LHFPL3: variants seen among roughly 807,000 people sequenced by gnomAD.
The protein encoded by LHFPL3 is LHFPL tetraspan subfamily member 3 protein.
LHFPL3 carries 5 observed loss-of-function variants against 19.3 expected under a neutral mutation model. That is an observed-to-expected ratio of 0.26 (90% CI 0.14 to 0.54). The LOEUF is 0.54. Among genes scored for constraint, LHFPL3 ranks in the 20% least tolerant of loss-of-function variants. The probability of loss-of-function intolerance (pLI) is 0.94; values close to 1 mark genes in which losing one functional copy is unlikely to be tolerated. For missense variants in LHFPL3, 249 were observed against 307.4 expected (o/e 0.81, Z 1.42); for synonymous variants, 133 against 126.2 (o/e 1.05, Z -0.36).
intron 1 of LHFPL3, among the ~76,000 whole-genome samples, chr7:104,608,816 C>T (rs922973070): frequency 2.6e-5 from 4 of 152,126 alleles, no homozygotes; most frequent in African/African-American, 9.7e-5. Flanking sequence ...CTGCTTGATC[C>T]ACCTACGTGG....
At chr7:104,793,647 A>G (rs1790065126) in intron 2 of LHFPL3, among the ~76,000 whole-genome samples, 2 of 152,214 alleles carry the variant, frequency 1.3e-5, no homozygotes, top group African/African-American at 4.8e-5. Context: ...CTGACCAGAC[A>G]AGAGCTGGGT....
intron 1 of LHFPL3, among the ~76,000 whole-genome samples, chr7:104,645,654 C>CT (rs869151153): frequency 0.015 from 1,249 of 81,576 alleles, 193 homozygotes; most frequent in African/African-American, 0.054. Context: ...ATTGGGTTTT[C>CT]TTTTTTTTTT....
At chr7:104,646,127 C>T (rs1006645246) in intron 1 of LHFPL3, among the ~76,000 whole-genome samples, 3 of 152,134 alleles carry the variant, frequency 2.0e-5, no homozygotes, top group African/African-American at 7.2e-5. Context: ...GGCACTTAAC[C>T]TCTGTGAGCC....
At chr7:104,508,280 TA>T (rs1359593381) in intron 1 of LHFPL3, among the ~76,000 whole-genome samples, 4 of 151,670 alleles carry the variant, frequency 2.6e-5, no homozygotes, top group Non-Finnish European at 4.4e-5. Flanking sequence ...TATGCAGCCA[TA>T]AAAAATGATG....
At chr7:104,618,811 C>T (rs1791392475) in intron 1 of LHFPL3, among the ~76,000 whole-genome samples, 1 of 152,186 alleles carries the variant, frequency 6.6e-6, no homozygotes, top group African/African-American at 2.4e-5. Flanking sequence ...TGTGACTTGG[C>T]CAAGGTCCCA....
intron 2 of LHFPL3, among the ~76,000 whole-genome samples, chr7:104,790,073 A>G (rs1789991759): frequency 6.6e-6 from 1 of 152,202 alleles, no homozygotes; most frequent in South Asian, 2.1e-4. Context: ...AAAAAAGCCA[A>G]TGAAGTCACC....
chr7:104,575,282 T>C (rs950769939), intron 1 of LHFPL3, among the ~76,000 whole-genome samples: 3 of 152,180 alleles, frequency 2.0e-5, no homozygotes, highest in Admixed American at 1.3e-4. Flanking sequence ...CACTGTACCA[T>C]TTTCTCATCT....
chr7:104,463,731 G>A (rs1176659066), intron 1 of LHFPL3, among the ~76,000 whole-genome samples: 1 of 152,200 alleles, frequency 6.6e-6, no homozygotes, highest in African/African-American at 2.4e-5. Flanking sequence ...CATGAGAACA[G>A]CATGAAGGTA....
chr7:104,560,105 CATCA>C (rs1371895624), intron 1 of LHFPL3, among the ~76,000 whole-genome samples: 1 of 144,792 alleles, frequency 6.9e-6, no homozygotes, highest in African/African-American at 2.8e-5. Flanking sequence ...AGGATTTTTG[CATCA>C]ATGTTCATCA....
chr7:104,586,616 A>G (rs528989167), intron 1 of LHFPL3, among the ~76,000 whole-genome samples: 15 of 152,168 alleles, frequency 9.9e-5, no homozygotes, highest in Non-Finnish European at 1.9e-4. Context: ...TTAAAAAATA[A>G]ATTGACTTTA....
chr7:104,774,852 C>T (rs1157315254), intron 2 of LHFPL3, among the ~76,000 whole-genome samples: 1 of 152,174 alleles, frequency 6.6e-6, no homozygotes, highest in Non-Finnish European at 1.5e-5. Flanking sequence ...GGAGGCAAAA[C>T]ATATGAGTTT....
chr7:104,625,042 A>G (rs571610329), intron 1 of LHFPL3, among the ~76,000 whole-genome samples: 15 of 152,374 alleles, frequency 9.8e-5, no homozygotes, highest in Middle Eastern at 3.4e-3. Flanking sequence ...ACAATAGTTT[A>G]GGTGACACCT....
intron 1 of LHFPL3, among the ~76,000 whole-genome samples, chr7:104,524,804 A>G (rs1794153394): frequency 6.6e-6 from 1 of 152,190 alleles, no homozygotes; most frequent in Admixed American, 6.5e-5. Flanking sequence ...TACTGGTTCT[A>G]CATCTCCCCT....
intron 2 of LHFPL3, among the ~76,000 whole-genome samples, chr7:104,861,251 A>G (rs1222230493): frequency 6.6e-6 from 1 of 152,212 alleles, no homozygotes; most frequent in Admixed American, 6.5e-5. Flanking sequence ...CATAAGACAG[A>G]GATAAAGGGC....
At chr7:104,685,026 G>T (rs572110474) in intron 1 of LHFPL3, among the ~76,000 whole-genome samples, 1 of 152,308 alleles carries the variant, frequency 6.6e-6, no homozygotes, top group South Asian at 2.1e-4. Context: ...ACTTTGAGAA[G>T]AGAAATAAGT....
At chr7:104,619,155 G>A (rs1301993841) in intron 1 of LHFPL3, among the ~76,000 whole-genome samples, 1 of 152,148 alleles carries the variant, frequency 6.6e-6, no homozygotes, top group Non-Finnish European at 1.5e-5. Context: ...AATGACTTTA[G>A]TAAGAATAAT....
intron 1 of LHFPL3, among the ~76,000 whole-genome samples, chr7:104,663,578 T>A (rs927835103): frequency 6.6e-6 from 1 of 152,174 alleles, no homozygotes; most frequent in Non-Finnish European, 1.5e-5. Context: ...GTAAAAAGAC[T>A]CATATGCCCT....
chr7:104,561,607 G>A (rs556757217), intron 1 of LHFPL3, among the ~76,000 whole-genome samples: 1 of 152,268 alleles, frequency 6.6e-6, no homozygotes, highest in East Asian at 1.9e-4. Context: ...CCTGAATACA[G>A]CACACTGATG....
rs1196165566 is a variant in LHFPL3 at position 104,399,636 on chromosome 7, ATTT to A, written c.445+70427_445+70429del. ...GCCACCACACCGGGCTAAGTTTTGCATTTTTTTTTTTTTTTTTGGTAGAGACGG... is the reference window on the plus strand; with the variant it reads ...GCCACCACACCGGGCTAAGTTTTGCATTTTTTTTTTTTTTGGTAGAGACGG... On this transcript the variant is annotated intron_variant, in intron 1 of 2. Transcript: ENST00000424859. The surrounding 1 kb of genome is among the most constrained non-coding windows in gnomAD (Gnocchi z 4.4). 1.6e-5 allele frequency among the ~76,000 whole-genome samples: 2 copies of A among 123,024 alleles called. No individual in the cohort carries two copies. The highest frequency in any genetic ancestry group is 3.5e-5 in the Non-Finnish European group (2 of 57,652). The allele number at this position is 123,024 out of a possible 152,430, so 80.7% of individuals were successfully genotyped here.
Sources: gnomAD v4.1 joint callset for allele counts (sites outside exome capture counted in the v4.1 genomes callset) on GRCh38, gnomAD v4.1.1 for gene constraint, Gnocchi (gnomAD v3.1) non-coding constraint, MANE v1.5 for transcripts, NCBI Gene and HGNC (gene_info 2026-07-23, HGNC 2026-07-21) for gene names.